Variants in ZC3H12B observed in about 807,000 individuals in gnomAD.
The protein encoded by ZC3H12B is zinc finger CCCH-type containing 12B, also known as probable ribonuclease ZC3H12B.
ZC3H12B carries 7 observed loss-of-function variants against 43.9 expected under a neutral mutation model. That is an observed-to-expected ratio of 0.16 (90% CI 0.09 to 0.30). ZC3H12B has a LOEUF of 0.30. Among genes scored for constraint, ZC3H12B ranks in the 10% least tolerant of loss-of-function variants. The pLI, the probability that ZC3H12B is intolerant of heterozygous loss-of-function variation, is 1.00. For missense variants in ZC3H12B, 475 were observed against 670.2 expected, an observed-to-expected ratio of 0.71 and a Z score of 3.22; for synonymous variants, 222 against 241.7, an observed-to-expected ratio of 0.92 and a Z score of 0.76.
At chrX:65,239,383 G>A in the ZC3H12B span, among the ~76,000 whole-genome samples, 2 of 109,808 alleles carry the variant, frequency 1.8e-5, no homozygotes, top group South Asian at 3.9e-4. Context: ...TCAGCAACTA[G>A]GATTGCAACA....
the ZC3H12B span, among the ~76,000 whole-genome samples, chrX:65,038,558 A>G: frequency 9.0e-6 from 1 of 111,727 alleles, no homozygotes; most frequent in South Asian, 3.7e-4. Flanking sequence ...TTATGACAGT[A>G]TCAAAGGGAT....
chrX:65,107,033 G>C, the ZC3H12B span, among the ~76,000 whole-genome samples: 1 of 111,377 alleles, frequency 9.0e-6, no homozygotes, highest in East Asian at 2.8e-4. Flanking sequence ...TGTAGGTTGA[G>C]ATTGGAGATC....
the ZC3H12B span, among the ~76,000 whole-genome samples, chrX:65,150,876 G>A: frequency 1.8e-5 from 2 of 111,175 alleles, no homozygotes; most frequent in African/African-American, 6.6e-5. Context: ...AAATCTGGCT[G>A]CAAAGTGGCT....
upstream of ZC3H12B, among the ~76,000 whole-genome samples, chrX:65,366,277 G>T (rs947103205): frequency 5.4e-5 from 6 of 111,037 alleles, no homozygotes; most frequent in African/African-American, 2.0e-4. Flanking sequence ...CCAAGTGGTG[G>T]AAGTAGGCTT....
chrX:65,120,040 G>T, the ZC3H12B span, among the ~76,000 whole-genome samples: 75 of 111,970 alleles, frequency 6.7e-4, no homozygotes, highest in African/African-American at 2.4e-3. Flanking sequence ...TGCTGTTTTG[G>T]TTACTGTAGC....
chrX:65,444,731 CAGA>C (rs2067353278), intron 3 of ZC3H12B, among the ~76,000 whole-genome samples: 1 of 111,762 alleles, frequency 8.9e-6, no homozygotes. Flanking sequence ...TTGAAGGGCT[CAGA>C]AGAAGACAGG....
At chrX:65,364,431 A>T (rs946082553), upstream of ZC3H12B, among the ~76,000 whole-genome samples, 2 of 108,455 alleles carry the variant, frequency 1.8e-5, no homozygotes, top group African/African-American at 6.7e-5. Context: ...AAAAAACTAG[A>T]GTCATTCACT....
At chrX:65,069,488 C>T in the ZC3H12B span, among the ~76,000 whole-genome samples, 5 of 109,551 alleles carry the variant, frequency 4.6e-5, no homozygotes, top group Non-Finnish European at 9.5e-5. Context: ...ATTTGATTAT[C>T]CTTAATTATT....
chrX:65,090,912 A>G, the ZC3H12B span, among the ~76,000 whole-genome samples: 1 of 110,600 alleles, frequency 9.0e-6, no homozygotes, highest in Non-Finnish European at 1.9e-5. Context: ...CTGGTTGTTT[A>G]AAAAGTGTAT....
At chrX:65,285,670 T>C in the ZC3H12B span, among the ~76,000 whole-genome samples, 3 of 111,679 alleles carry the variant, frequency 2.7e-5, no homozygotes, top group South Asian at 1.1e-3. Flanking sequence ...AGCGAATTTG[T>C]TACCACTACA....
chrX:65,283,092 G>A, the ZC3H12B span, among the ~76,000 whole-genome samples: 2 of 111,313 alleles, frequency 1.8e-5, no homozygotes, highest in African/African-American at 3.3e-5. Context: ...CTCGCAAACC[G>A]AATCCAGCAT....
chrX:65,378,815 G>A (rs185568437), intron 2 of ZC3H12B, among the ~76,000 whole-genome samples: 2 of 112,816 alleles, frequency 1.8e-5, no homozygotes, highest in African/African-American at 6.4e-5. Context: ...GGGTCAGGGA[G>A]TTCCCTTTCC....
chrX:65,317,715 C>CT, the ZC3H12B span, among the ~76,000 whole-genome samples: 1 of 105,071 alleles, frequency 9.5e-6, no homozygotes, highest in Non-Finnish European at 1.9e-5. Flanking sequence ...TATTTCATTC[C>CT]TTTTTTATAG....
the ZC3H12B span, chrX:65,272,726 C>A: frequency 9.0e-6 from 1 of 111,574 alleles, no homozygotes; most frequent in African/African-American, 3.3e-5. Context: ...CCTGAATATT[C>A]CTGAATATTG....
upstream of ZC3H12B, among the ~76,000 whole-genome samples, chrX:65,364,427 C>T (rs1462482329): frequency 2.0e-5 from 2 of 101,036 alleles, no homozygotes; most frequent in East Asian, 3.2e-4. Context: ...AAAAAAAAAA[C>T]TAGAGTCATT....
the ZC3H12B span, among the ~76,000 whole-genome samples, chrX:65,220,120 A>G: frequency 8.9e-6 from 1 of 111,803 alleles, no homozygotes; most frequent in South Asian, 3.7e-4. Context: ...TTCATAAATG[A>G]AGGAAAGATA....
chrX:65,070,962 G>T, the ZC3H12B span, among the ~76,000 whole-genome samples: 2 of 108,350 alleles, frequency 1.8e-5, no homozygotes, highest in Non-Finnish European at 3.8e-5. Context: ...TGTGTTTTAG[G>T]TCCATTTGGT....
the ZC3H12B span, among the ~76,000 whole-genome samples, chrX:65,115,999 G>A: frequency 9.0e-6 from 1 of 111,421 alleles, no homozygotes; most frequent in East Asian, 2.8e-4. Flanking sequence ...TCTGTGGGTT[G>A]TGTGTTAACT....
chrX:65,378,581 A>C (rs1279364429), intron 2 of ZC3H12B, among the ~76,000 whole-genome samples: 1 of 112,401 alleles, frequency 8.9e-6, no homozygotes, highest in Non-Finnish European at 1.9e-5. Context: ...GAAACACATC[A>C]CAAAATGGCA....
Sources: allele counts gnomAD v4.1 joint callset (sites outside exome capture counted in the v4.1 genomes callset), GRCh38; gene constraint gnomAD v4.1.1; transcripts MANE v1.5; gene names NCBI Gene and HGNC (gene_info 2026-07-23, HGNC 2026-07-21).